Variants in TCERG1 observed in about 807,000 individuals in gnomAD.
The protein encoded by TCERG1 is transcription elongation regulator 1.
TCERG1 carries 37 observed loss-of-function variants against 144.7 expected under a neutral mutation model. The observed-to-expected ratio is 0.26, with a 90% CI of 0.20 to 0.34. The LOEUF (loss-of-function observed/expected upper bound fraction) is 0.34, where lower values mean the gene tolerates loss of function less well. TCERG1 is among the 10% of genes least tolerant of loss of function. TCERG1 has a pLI of 1.00. For missense variants in TCERG1, 1,027 were observed against 1,380.7 expected, an observed-to-expected ratio of 0.74 and a Z score of 4.06; for synonymous variants, 492 against 458.2, an observed-to-expected ratio of 1.07 and a Z score of -0.94.
At position 146,510,679 on chromosome 5, in the gene TCERG1, T is replaced by A. The variant is rs563660838; in HGVS notation, c.*37T>A. On this transcript the variant is annotated 3_prime_UTR_variant, in exon 23 of 23. Transcript: ENST00000679501. ...CTTCCATAGGGGCATCTATTCAAAA[T>A]GCTTGCATGAGCCAATTTTCAGGTT... is the stretch of plus-strand genomic sequence containing the variant. 32 of 1,574,034 alleles carry A rather than the reference T, an allele frequency of 2.0e-5. No homozygotes were observed. The South Asian group carries it at 3.5e-4, about 17-fold the overall frequency.
chr5:146,507,790 A>G lies in TCERG1; in HGVS notation c.2962-83A>G, dbSNP rs2150931920. 1.1e-6 allele frequency: 1 copy of G among 874,674 alleles called. No individual in the cohort carries two copies. The highest frequency in any genetic ancestry group is 1.8e-6 in the Non-Finnish European group (1 of 563,382). 54.2% of individuals were successfully genotyped at this position (874,674 alleles called of 1,614,324 possible). A position where few individuals can be genotyped will look rare whatever the true frequency, so the allele number is the denominator to read the frequency against. On this transcript the variant is annotated intron_variant, in intron 20 of 22. Coordinates refer to ENST00000679501, the MANE Select transcript of TCERG1 (RefSeq NM_001382548.1). The surrounding 1 kb of genome is among the most constrained non-coding windows in gnomAD (Gnocchi z 4.6). ...ACAAGAGATCGCAGGTCAGTGTGTAATATTATGTACCTATGTGCTGCAGTT... is the reference window on the plus strand; with the variant it reads ...ACAAGAGATCGCAGGTCAGTGTGTAGTATTATGTACCTATGTGCTGCAGTT...
Position 146,463,540 on chromosome 5 carries a change from T to G in TCERG1, c.893-11T>G. On this transcript the variant is annotated splice_polypyrimidine_tract_variant and intron_variant, in intron 4 of 22. Transcript: ENST00000679501. ...AGGAGTGATACATGTTTTTGTTTTA[T>G]CTTTTATCAGCACCCACAACACAAG... The G allele has an allele frequency of 6.2e-7, 1 of 1,614,000 alleles. No individual in the cohort carries two copies.
At position 146,470,762 on chromosome 5, in the gene TCERG1, A is replaced by T. The variant is rs190497532; in HGVS notation, c.1512+14A>T. On this transcript the variant is annotated intron_variant, in intron 8 of 22. Transcript: ENST00000679501. ...GAGATAAAGGAGGTAAAGGGCCATG[A>T]CCTGTTAACCTGGGAGCCACATTAA... The T allele has an allele frequency of 3.1e-5, 49 of 1,571,008 alleles. No homozygotes were observed. The highest frequency in any genetic ancestry group is 4.0e-5 in the Non-Finnish European group (46 of 1,156,124).
At chr5:146,501,888 T>A (rs886809928) in intron 17 of TCERG1, among the ~76,000 whole-genome samples, 3 of 16,902 alleles carry the variant, frequency 1.8e-4, no homozygotes, top group African/African-American at 5.4e-4. Context: ...TCAACTTCAC[T>A]TTTTTTTTTT....
intron 16 of TCERG1, among the ~76,000 whole-genome samples, chr5:146,498,314 A>C (rs1425324563): frequency 1.3e-5 from 2 of 151,030 alleles, no homozygotes; most frequent in Non-Finnish European, 2.9e-5. Context: ...AATAATATTT[A>C]TTCTCCTAAT....
intron 2 of TCERG1, among the ~76,000 whole-genome samples, 200 bp downstream of exon 2, chr5:146,455,481 A>G (rs1762746404): frequency 1.3e-5 from 2 of 152,226 alleles, no homozygotes; most frequent in African/African-American, 4.8e-5. Flanking sequence ...AGGACTTTAG[A>G]TGGTGATAGA....
intron 19 of TCERG1, among the ~76,000 whole-genome samples, chr5:146,505,087 T>TA (rs58813480): frequency 0.097 from 10,944 of 112,356 alleles, 470 homozygotes; most frequent in Middle Eastern, 0.16. Context: ...GCCAATGAGC[T>TA]AAAAAAAAAA....
At chr5:146,471,644 G>C in intron 9 of TCERG1, 68 bp downstream of exon 9, 1 of 1,405,330 alleles carries the variant, frequency 7.1e-7, no homozygotes. Flanking sequence ...TGTCACCAGG[G>C]CTGGAGTGCA....
rs1384367223 is a variant in TCERG1, at chr5:146,471,528, C to T, written c.1553C>T (p.Ala518Val). 6.2e-7 allele frequency: 1 copy of T among 1,613,618 alleles called. No individual in the cohort carries two copies. The highest frequency in any genetic ancestry group is 8.5e-7 in the Non-Finnish European group (1 of 1,179,830). Reference sequence around the variant, plus strand: ...GAGATGACTGAAGAAGAAAAGGCTGCCCAGAAGGCAAAGCCAGTTGCTACT... The same window carrying T: ...GAGATGACTGAAGAAGAAAAGGCTGTCCAGAAGGCAAAGCCAGTTGCTACT... ...EEEMTEEEKA[A>V]QKAKPVATAP... The change falls in exon 9 of 23, where the codon GCC becomes GTC. Residue 518 changes from alanine to valine, a missense_variant. By Grantham distance (64) the Ala-to-Val change is moderately conservative. Transcript: ENST00000679501.
At position 146,510,723 on chromosome 5, in the gene TCERG1, A is replaced by G; in HGVS notation, c.*81A>G. On this transcript the variant is annotated 3_prime_UTR_variant, in exon 23 of 23. Transcript: ENST00000679501. ...TCAGGTTTTTACATATATGTGCATT[A>G]GTCAACCTATTGCGAAACCATCTGA... 1.4e-6 allele frequency: 2 copies of G among 1,381,892 alleles called. No homozygotes were observed. The highest frequency in any genetic ancestry group is 2.0e-6 in the Non-Finnish European group (2 of 1,015,492). The allele number at this position is 1,381,892 out of a possible 1,614,324, so 85.6% of individuals were successfully genotyped here.
At chr5:146,473,582 G>A (rs77260029) in intron 9 of TCERG1, among the ~76,000 whole-genome samples, 328 of 152,300 alleles carry the variant, frequency 2.2e-3, no homozygotes, top group African/African-American at 7.5e-3. Context: ...TCACCGCTTG[G>A]CTTCAAAGGA....
rs70998085 is a variant in TCERG1 at position 146,496,869 on chromosome 5, GTTTTT to G, written c.2283-1649_2283-1645del. ...TTGTAGGGACAGAGCCTCACTATGT[GTTTTT>G]TTTTTTTTTTTTTTTTTGAGACAGA... On this transcript the variant is annotated intron_variant, in intron 16 of 22. Transcript: ENST00000679501. Among the ~76,000 whole-genome samples, 77 of 83,328 alleles carry G rather than the reference GTTTTT, an allele frequency of 9.2e-4. No individual in the cohort carries two copies. In the Admixed American group the frequency reaches 0.011, roughly 12 times the overall value. 54.7% of individuals were successfully genotyped at this position (83,328 alleles called of 152,430 possible). A position where few individuals can be genotyped will look rare whatever the true frequency, so the allele number is the denominator to read the frequency against.
chr5:146,457,246 C>A lies in TCERG1; in HGVS notation c.349C>A (p.Pro117Thr). The A allele has an allele frequency of 6.2e-7, 1 of 1,614,142 alleles. No homozygotes were observed. Among genetic ancestry groups the A allele is most frequent in the Non-Finnish European group, 8.5e-7 (1 of 1,179,986 alleles). ...TCCTCCTCCGGGTATGATGTTTCCA[C>A]CAGGAATGCCTCCTGTGACTGCTCC... is the stretch of plus-strand genomic sequence containing the variant. The part of the protein sequence containing the change: ...MPPPPGMMFP[P>T]GMPPVTAPGT... Residue 117 changes from proline (P) to threonine (T), a missense_variant, in exon 3 of 23, where the codon CCA becomes ACA. Around this residue, in one of 6 missense-constraint regions of TCERG1, gnomAD observed 175 missense variants for 197.0 expected, o/e 0.89. Coordinates refer to ENST00000679501, the MANE Select transcript of TCERG1 (RefSeq NM_001382548.1).
intron 5 of TCERG1, among the ~76,000 whole-genome samples, chr5:146,467,306 A>G (rs1192583308): frequency 6.6e-6 from 1 of 152,018 alleles, no homozygotes; most frequent in Non-Finnish European, 1.5e-5. Flanking sequence ...AAAATAGTTT[A>G]TTGTTACTAT....
intron 22 of TCERG1, chr5:146,510,186 C>A: frequency 1.0e-6 from 1 of 991,702 alleles, no homozygotes. Context: ...GATTTACCCA[C>A]CCACCCTCAG....
At chr5:146,456,136 G>A (rs1207336728) in intron 2 of TCERG1, among the ~76,000 whole-genome samples, 2 of 152,190 alleles carry the variant, frequency 1.3e-5, no homozygotes, top group African/African-American at 2.4e-5. Context: ...AGGTAGGGTT[G>A]TGGTTATGGA....
At chr5:146,488,992 A>C (rs981268550) in intron 15 of TCERG1, among the ~76,000 whole-genome samples, 95 of 152,352 alleles carry the variant, frequency 6.2e-4, no homozygotes, top group African/African-American at 2.2e-3. Flanking sequence ...GAAGCAAAAG[A>C]AAGTTGATGT....
chr5:146,459,278 C>T lies in TCERG1; in HGVS notation c.833C>T (p.Thr278Ile), dbSNP rs769497017. The T allele has an allele frequency of 1.9e-6, 3 of 1,614,266 alleles. No homozygotes were observed. In the South Asian group the frequency reaches 3.3e-5, roughly 18 times the overall value. Residue 278 changes from threonine to isoleucine, a missense_variant, in exon 4 of 23, where the codon ACC (threonine) becomes ATC (isoleucine). Coordinates refer to ENST00000679501, the MANE Select transcript of TCERG1 (RefSeq NM_001382548.1). ...GTATCCACTTCAACATCATCATCCA[C>T]CCCTTCCTCTACCACTTCTACCACA... ...PAVSTSTSSS[T>I]PSSTTSTTTT... is the part of the protein sequence containing the mutation.
At chr5:146,492,880 TGAAA>T (rs778423314) in intron 15 of TCERG1, 36 bp from the exon 16 acceptor site, 23 of 1,440,468 alleles carry the variant, frequency 1.6e-5, no homozygotes, top group Non-Finnish European at 2.1e-5. Flanking sequence ...ATTACCTATA[TGAAA>T]GATTGACTTG....
Sources: gnomAD v4.1 joint callset for allele counts (sites outside exome capture counted in the v4.1 genomes callset) on GRCh38, gnomAD v4.1.1 for gene constraint, gnomAD v4.1.1 regional missense constraint, Gnocchi (gnomAD v3.1) non-coding constraint, MANE v1.5 for transcripts, NCBI Gene and HGNC (gene_info 2026-07-23, HGNC 2026-07-21) for gene names.